CNTNAP2: variants seen among roughly 807,000 people sequenced by gnomAD.
CNTNAP2 encodes contactin-associated protein-like 2.
Under a neutral mutation model 155.2 loss-of-function variants are expected in CNTNAP2, and 98 were observed. The observed-to-expected ratio is 0.63, with a 90% CI of 0.54 to 0.75. The LOEUF (loss-of-function observed/expected upper bound fraction) is 0.75, where lower values mean the gene tolerates loss of function less well. CNTNAP2 is among the 30% of genes least tolerant of loss of function. The pLI is 0.00. For synonymous variants in CNTNAP2, 651 were observed against 631.2 expected, an observed-to-expected ratio of 1.03 and a Z score of -0.47; for missense variants, 1,727 against 1,688.1, an observed-to-expected ratio of 1.02 and a Z score of -0.40.
At position 147,608,044 on chromosome 7, in the gene CNTNAP2, A is replaced by G. The variant is rs531379560; in HGVS notation, c.1898-31062A>G. Among the ~76,000 whole-genome samples, 4 of 152,198 alleles carry G rather than the reference A, an allele frequency of 2.6e-5. No individual in the cohort carries two copies. In the East Asian group the frequency reaches 7.8e-4, roughly 30 times the overall value. ...TCTTCTTCCCACTAGCTTTGGTGGC[A>G]TAAAATTTGTTATTCATCTTCACGT... On this transcript the variant is annotated intron_variant, in intron 12 of 23. Transcript: ENST00000361727.
chr7:146,461,394 G>C (rs1796633958), intron 1 of CNTNAP2, among the ~76,000 whole-genome samples: 1 of 140,754 alleles, frequency 7.1e-6, no homozygotes, highest in Admixed American at 7.5e-5. Flanking sequence ...AAAAGAGCAA[G>C]ACTCCGTCTC....
intron 3 of CNTNAP2, among the ~76,000 whole-genome samples, chr7:146,908,151 C>G (rs929910211): frequency 2.6e-4 from 39 of 152,234 alleles, no homozygotes; most frequent in African/African-American, 8.9e-4. Flanking sequence ...ATTCATAAAG[C>G]AAGTCCTGAG....
intron 1 of CNTNAP2, among the ~76,000 whole-genome samples, chr7:146,418,856 G>A (rs1474512497): frequency 6.6e-6 from 1 of 152,064 alleles, no homozygotes; most frequent in East Asian, 1.9e-4. Context: ...GAAGGAAGAC[G>A]AAGTGAAGAC....
intron 11 of CNTNAP2, among the ~76,000 whole-genome samples, chr7:147,492,901 A>G (rs1476316065): frequency 6.6e-6 from 1 of 152,204 alleles, no homozygotes; most frequent in Admixed American, 6.5e-5. Context: ...GTTTTTAGAC[A>G]CGTCATTTAA....
intron 10 of CNTNAP2, among the ~76,000 whole-genome samples, chr7:147,474,530 C>T (rs1775653911): frequency 6.6e-6 from 1 of 151,916 alleles, no homozygotes; most frequent in Non-Finnish European, 1.5e-5. Context: ...TTGCAGTGAG[C>T]TGAGATCGCA....
chr7:147,061,746 A>G (rs895038706), intron 4 of CNTNAP2, among the ~76,000 whole-genome samples: 18 of 152,180 alleles, frequency 1.2e-4, no homozygotes, highest in Admixed American at 4.6e-4. Context: ...ATAGCAACCA[A>G]TTACTTTATT....
chr7:146,772,485 C>T (rs1361471875), intron 1 of CNTNAP2, among the ~76,000 whole-genome samples: 1 of 143,648 alleles, frequency 7.0e-6, no homozygotes, highest in African/African-American at 2.8e-5. Flanking sequence ...GGTGAAACCC[C>T]GTCTCTACTG....
chr7:146,222,658 A>AAT, intron 1 of CNTNAP2, among the ~76,000 whole-genome samples: 1 of 138,814 alleles, frequency 7.2e-6, no homozygotes, highest in East Asian at 2.1e-4. Context: ...GAAAAGGTAA[A>AAT]TTTTTTTTTT....
intron 1 of CNTNAP2, among the ~76,000 whole-genome samples, chr7:146,753,057 T>A (rs993267944): frequency 1.3e-5 from 2 of 152,192 alleles, no homozygotes; most frequent in African/African-American, 4.8e-5. Context: ...GTGCAGGATT[T>A]TCTGACCAAA....
intron 9 of CNTNAP2, among the ~76,000 whole-genome samples, chr7:147,381,528 CTATT>C (rs765812446): frequency 7.9e-5 from 12 of 152,080 alleles, no homozygotes; most frequent in Admixed American, 1.3e-4. Context: ...TGCATTTTCT[CTATT>C]TATCAATACA....
chr7:147,577,814 T>C (rs932529796), intron 12 of CNTNAP2, among the ~76,000 whole-genome samples: 1 of 152,084 alleles, frequency 6.6e-6, no homozygotes, highest in African/African-American at 2.4e-5. Context: ...CCCCTCTGGA[T>C]AGAGAATTCT....
chr7:146,706,985 C>G (rs1800976862), intron 1 of CNTNAP2, among the ~76,000 whole-genome samples: 2 of 151,238 alleles, frequency 1.3e-5, no homozygotes, highest in African/African-American at 4.9e-5. Flanking sequence ...TGCAAAAATT[C>G]TACATTAGTG....
intron 14 of CNTNAP2, among the ~76,000 whole-genome samples, chr7:147,935,582 G>C (rs1264771990): frequency 1.3e-5 from 2 of 152,156 alleles, no homozygotes; most frequent in Non-Finnish European, 2.9e-5. Flanking sequence ...GTAGGGCTGA[G>C]AGAATGAATT....
At chr7:147,223,767 C>A (rs1242273460) in intron 8 of CNTNAP2, among the ~76,000 whole-genome samples, 1 of 151,622 alleles carries the variant, frequency 6.6e-6, no homozygotes, top group Admixed American at 6.6e-5. Context: ...ATGGTGGAAC[C>A]CCATCTCTAC....
At chr7:146,333,682 A>G (rs2129095037) in intron 1 of CNTNAP2, among the ~76,000 whole-genome samples, 1 of 152,356 alleles carries the variant, frequency 6.6e-6, no homozygotes, top group Admixed American at 6.5e-5. Context: ...TAAATTCCTA[A>G]AGGTGTCATG....
chr7:146,337,975 G>T (rs1451478808), intron 1 of CNTNAP2, among the ~76,000 whole-genome samples: 1 of 152,100 alleles, frequency 6.6e-6, no homozygotes, highest in African/African-American at 2.4e-5. Flanking sequence ...AAAATAGTGA[G>T]ATATTTCCAG....
chr7:148,175,727 A>G (rs1585168471), intron 18 of CNTNAP2, among the ~76,000 whole-genome samples: 1 of 152,140 alleles, frequency 6.6e-6, no homozygotes, highest in Admixed American at 6.5e-5. Flanking sequence ...GCCCAGGGGG[A>G]CAGATAAGCT....
At chr7:147,166,322 A>G (rs559331674) in intron 8 of CNTNAP2, among the ~76,000 whole-genome samples, 30 of 152,126 alleles carry the variant, frequency 2.0e-4, no homozygotes, top group Non-Finnish European at 3.5e-4. Context: ...GTTCTCACTC[A>G]TAAGTTGGAG....
intron 8 of CNTNAP2, among the ~76,000 whole-genome samples, chr7:147,298,501 G>A (rs77286223): frequency 0.022 from 3,395 of 152,146 alleles, 115 homozygotes; most frequent in African/African-American, 0.075. Context: ...AAAACCCTGA[G>A]GGGTGATTAT....
Sources: allele counts gnomAD v4.1 joint callset (sites outside exome capture counted in the v4.1 genomes callset), GRCh38; gene constraint gnomAD v4.1.1; transcripts MANE v1.5; gene names NCBI Gene and HGNC (gene_info 2026-07-23, HGNC 2026-07-21).